UNC13B: variants seen among roughly 807,000 people sequenced by gnomAD.
The protein encoded by UNC13B is unc-13 homolog B.
A neutral mutation model predicts 211.0 loss-of-function variants in UNC13B; 144 were observed. The observed-to-expected ratio is 0.68, with a 90% CI of 0.60 to 0.78. The LOEUF is 0.78. Ranked by LOEUF, UNC13B falls within the 30% of genes least tolerant of loss-of-function variation. The probability of loss-of-function intolerance (pLI) is 0.00; values close to 1 mark genes in which losing one functional copy is unlikely to be tolerated. For synonymous variants in UNC13B, 709 were observed against 725.8 expected (o/e 0.98, Z 0.37); for missense variants, 1,777 against 2,002.0 (o/e 0.89, Z 2.14).
intron 11 of UNC13B, chr9:35,342,109 G>GT: frequency 1.0e-6 from 1 of 985,384 alleles, no homozygotes; most frequent in East Asian, 1.1e-4. Flanking sequence ...TTTGTGCCGT[G>GT]GAGCCAGCCA....
rs1674688087 is a variant in UNC13B, at chr9:35,380,507, G to A, written c.10243G>A (p.Val3415Ile). The stretch of plus-strand genomic sequence containing the variant: ...CTCCTCTGACCGCATTAAGGTGCGT[G>A]TATGGGATGAGGATGATGACATCAA... ...HNSSDRIKVR[V>I]WDEDDDIKSR... Residue 3415 changes from valine (V) to isoleucine (I), a missense_variant, in exon 18 of 40, where the codon GTA becomes ATA. Coordinates refer to ENST00000635942, the MANE Select transcript of UNC13B (RefSeq NM_001371189.2). 3 of 1,614,230 alleles carry A rather than the reference G, an allele frequency of 1.9e-6. No individual in the cohort carries two copies. Among genetic ancestry groups the A allele is most frequent in the Non-Finnish European group, 1.7e-6 (2 of 1,180,030 alleles).
intron 1 of UNC13B, among the ~76,000 whole-genome samples, chr9:35,214,036 A>C (rs1372903263): frequency 6.6e-6 from 1 of 152,208 alleles, no homozygotes; most frequent in Non-Finnish European, 1.5e-5. Flanking sequence ...TCAGACCTTC[A>C]TTAACTGGTG....
At chr9:35,225,954 G>T (rs993809670) in intron 1 of UNC13B, among the ~76,000 whole-genome samples, 6 of 152,116 alleles carry the variant, frequency 3.9e-5, no homozygotes, top group Non-Finnish European at 5.9e-5. Context: ...AGCATGTGTG[G>T]CTTTTAGTGG....
chr9:35,206,397 C>T (rs1333361708), intron 1 of UNC13B, among the ~76,000 whole-genome samples: 2 of 151,942 alleles, frequency 1.3e-5, no homozygotes, highest in Non-Finnish European at 2.9e-5. Context: ...CCCTCTATCC[C>T]CTGGTAACCA....
chr9:35,377,592 C>T lies in UNC13B; in HGVS notation c.9960C>T (p.Asp3320=). 4 of 1,614,210 alleles carry T rather than the reference C, an allele frequency of 2.5e-6. No homozygotes were observed. The highest frequency in any genetic ancestry group is 1.3e-5 in the African/African-American group (1 of 75,034). The change falls in exon 16 of 40, where the codon GAC becomes GAT. Residue 3320 remains aspartate, a synonymous_variant. Transcript: ENST00000635942. ...CAGAGATCTTTGAAGTTATCCGGGA[C>T]GTCTTCACAGTGAACAAAGCTGCCC... ...NKPEIFEVIR[D]VFTVNKAAHV...
At chr9:35,310,416 T>G in intron 9 of UNC13B, 51 bp from the exon 10 acceptor site, 1 of 1,572,512 alleles carries the variant, frequency 6.4e-7, no homozygotes, top group South Asian at 1.1e-5. Flanking sequence ...TCTTTTGTCC[T>G]GGTCCCTGAT....
chr9:35,233,089 C>G, intron 3 of UNC13B, among the ~76,000 whole-genome samples: 1 of 152,056 alleles, frequency 6.6e-6, no homozygotes, highest in East Asian at 1.9e-4. Context: ...GATATGAGAC[C>G]GAGAGCACCT....
intron 11 of UNC13B, chr9:35,342,204 T>C: frequency 1.0e-6 from 1 of 985,728 alleles, no homozygotes; most frequent in Non-Finnish European, 1.2e-6. Context: ...AAGTTCGTCC[T>C]GTGGCTTCTC....
intron 7 of UNC13B, among the ~76,000 whole-genome samples, chr9:35,266,039 G>C (rs1827555969): frequency 6.6e-6 from 1 of 152,132 alleles, no homozygotes; most frequent in South Asian, 2.1e-4. Context: ...CTGACCTCAA[G>C]TGATCTGCCT....
intron 1 of UNC13B, among the ~76,000 whole-genome samples, chr9:35,182,726 C>T (rs933835133): frequency 7.2e-5 from 11 of 152,120 alleles, no homozygotes; most frequent in Middle Eastern, 3.2e-3. Flanking sequence ...CATCTTGCAC[C>T]GCCCTTAATC....
At chr9:35,390,526 C>G in intron 25 of UNC13B, 103 bp from the exon 26 acceptor site, 1 of 1,293,004 alleles carries the variant, frequency 7.7e-7, no homozygotes, top group Admixed American at 1.8e-5. Flanking sequence ...AGCATCTCCT[C>G]TCTCCAATAT....
intron 11 of UNC13B, among the ~76,000 whole-genome samples, chr9:35,363,135 G>A (rs1833540688): frequency 6.6e-6 from 1 of 152,206 alleles, no homozygotes; most frequent in African/African-American, 2.4e-5. Flanking sequence ...TGTATATGGG[G>A]TCAAGAAAGA....
At chr9:35,334,573 C>T (rs1454453762) in intron 11 of UNC13B, among the ~76,000 whole-genome samples, 1 of 152,180 alleles carries the variant, frequency 6.6e-6, no homozygotes, top group African/African-American at 2.4e-5. Flanking sequence ...TTCCTGGCCA[C>T]TTATTTTCTT....
In UNC13B at chr9:35,404,050, T is replaced by G; in HGVS notation, c.*17T>G. 2 of 1,605,100 alleles carry G rather than the reference T, an allele frequency of 1.2e-6. No homozygotes were observed. The highest frequency in any genetic ancestry group is 1.7e-6 in the Non-Finnish European group (2 of 1,175,016). Reference sequence around the variant, plus strand: ...GGGAGCTGAACACCTTCGACTCCTGTGCCAATCAGGCAGCAGCAATTTCAC... The same window carrying G: ...GGGAGCTGAACACCTTCGACTCCTGGGCCAATCAGGCAGCAGCAATTTCAC... On this transcript the variant is annotated 3_prime_UTR_variant, in exon 40 of 40. Coordinates refer to ENST00000635942, the MANE Select transcript of UNC13B (RefSeq NM_001371189.2).
chr9:35,327,692 C>G (rs1487961166), intron 11 of UNC13B, among the ~76,000 whole-genome samples: 3 of 152,206 alleles, frequency 2.0e-5, no homozygotes, highest in Non-Finnish European at 2.9e-5. Flanking sequence ...CACCCAGAAA[C>G]AATACTTCCC....
rs1346343283 is a variant in UNC13B, at chr9:35,205,552, CACTAGGGAGGTTCCTCCA to C, written c.23-22459_23-22442del. 4.6e-5 allele frequency among the ~76,000 whole-genome samples: 7 copies of C among 152,182 alleles called. No homozygotes were observed. In the East Asian group the frequency reaches 1.3e-3, roughly 29 times the overall value. ...ATCATTTCCATTTTCTCCAACCTCC[CACTAGGGAGGTTCCTCCA>C]ACTGGGAAACCACGAATCTACTTTC... On this transcript the variant is annotated intron_variant, in intron 1 of 39. Transcript: ENST00000635942.
chr9:35,334,991 TC>T (rs1831572156), intron 11 of UNC13B, among the ~76,000 whole-genome samples: 1 of 152,144 alleles, frequency 6.6e-6, no homozygotes, highest in African/African-American at 2.4e-5. Flanking sequence ...TGAGCCGAGA[TC>T]GCGCCACTGC....
chr9:35,345,749 G>A (rs1832314608), intron 11 of UNC13B, among the ~76,000 whole-genome samples: 2 of 152,146 alleles, frequency 1.3e-5, no homozygotes, highest in Non-Finnish European at 2.9e-5. Context: ...CTGCTGAAAG[G>A]GAGCCCTGGG....
In UNC13B at chr9:35,403,269, G is replaced by A. The variant is rs775530659; in HGVS notation, c.12577+10G>A. On this transcript the variant is annotated intron_variant, in intron 38 of 39. Coordinates refer to ENST00000635942, the MANE Select transcript of UNC13B (RefSeq NM_001371189.2). ...AAGGTCACAGTGAAAGGTGAGTGAT[G>A]GACTTACAGGTCTGCCCTTTCCTTG... 2 of 1,613,788 alleles carry A rather than the reference G, an allele frequency of 1.2e-6. No homozygotes were observed. Among genetic ancestry groups the A allele is most frequent in the East Asian group, 4.5e-5 (2 of 44,862 alleles).
Sources: gnomAD v4.1 joint callset for allele counts (sites outside exome capture counted in the v4.1 genomes callset) on GRCh38, gnomAD v4.1.1 for gene constraint, MANE v1.5 for transcripts, NCBI Gene and HGNC (gene_info 2026-07-23, HGNC 2026-07-21) for gene names.